The following ESR1 variants were observed in gnomAD, a reference collection of about 807,000 sequenced individuals.
ESR1 encodes the protein estrogen receptor.
Under a neutral mutation model 52.7 loss-of-function variants are expected in ESR1, and 12 were observed. The ratio of observed to expected loss-of-function variants is 0.23; its 90% CI spans 0.15 to 0.37. The LOEUF (loss-of-function observed/expected upper bound fraction) is 0.37, where lower values mean the gene tolerates loss of function less well. Among genes scored for constraint, ESR1 ranks in the 10% least tolerant of loss-of-function variants. ESR1 has a pLI of 1.00. For synonymous variants in ESR1, 305 were observed against 316.8 expected (o/e 0.96, Z 0.39); for missense variants, 584 against 779.7 (o/e 0.75, Z 2.99).
In ESR1 at chr6:151,893,855, A is replaced by G. The variant is rs7773170; in HGVS notation, c.760+13084A>G. ...TTTGAGATCCCTGAGGGATATGGGA[A>G]CCATAAAGGATCTTAAGCAGAGAAG... On this transcript the variant is annotated intron_variant, in intron 3 of 7. Transcript: ENST00000206249. Among the ~76,000 whole-genome samples the G allele has an allele frequency of 2.7e-3, 407 of 152,276 alleles. 3 individuals carry two copies. The highest frequency in any genetic ancestry group is 8.3e-3 in the African/African-American group (344 of 41,564).
At chr6:151,942,130 T>C (rs1411291410) in intron 3 of ESR1, among the ~76,000 whole-genome samples, 1 of 152,202 alleles carries the variant, frequency 6.6e-6, no homozygotes, top group Non-Finnish European at 1.5e-5. Context: ...TGTGATCTAA[T>C]TGGCAAATCT....
chr6:151,933,581 G>T lies in ESR1; in HGVS notation c.761-10592G>T, dbSNP rs574724198. ...GTTTTTGCCCATTCAGTATGATATT[G>T]GCTGTGGGTTTGTCATAGATAGCTC... On this transcript the variant is annotated intron_variant, in intron 3 of 7. Coordinates refer to ENST00000206249, the MANE Select transcript of ESR1 (RefSeq NM_000125.4). 3.3e-3 allele frequency among the ~76,000 whole-genome samples: 500 copies of T among 152,046 alleles called. 2 individuals carry two copies. Among genetic ancestry groups the T allele is most frequent in the African/African-American group, 0.012 (478 of 41,486 alleles).
intron 2 of ESR1, among the ~76,000 whole-genome samples, chr6:151,857,208 C>T (rs996927810): frequency 1.3e-5 from 2 of 152,140 alleles, no homozygotes; most frequent in Admixed American, 6.6e-5. Flanking sequence ...GTGCTGAACA[C>T]ATACAGAGAT....
intron 2 of ESR1, among the ~76,000 whole-genome samples, chr6:151,729,517 C>G (rs1032293984): frequency 9.2e-5 from 14 of 152,148 alleles, no homozygotes; most frequent in African/African-American, 3.1e-4. Flanking sequence ...TTGGACCTAT[C>G]TTTAAAACAC....
In ESR1 at chr6:152,046,021, A is replaced by G. The variant is rs190097682; in HGVS notation, c.1236-14970A>G. ...GCCAGCACTTTGCAAGTTGTGCTCTATGGGACTTTTCATGGAAGTGGCTGA... is the reference window on the plus strand; with the variant it reads ...GCCAGCACTTTGCAAGTTGTGCTCTGTGGGACTTTTCATGGAAGTGGCTGA... On this transcript the variant is annotated intron_variant, in intron 5 of 7. Coordinates refer to ENST00000206249, the MANE Select transcript of ESR1 (RefSeq NM_000125.4). 3.1e-4 allele frequency among the ~76,000 whole-genome samples: 47 copies of G among 152,314 alleles called. No individual in the cohort carries two copies. The East Asian group carries it at 7.9e-3, about 26-fold the overall frequency.
intron 1 of ESR1, among the ~76,000 whole-genome samples, chr6:151,696,299 T>C (rs1308338389): frequency 6.6e-6 from 1 of 151,814 alleles, no homozygotes; most frequent in Non-Finnish European, 1.5e-5. Context: ...AGTGAAATGC[T>C]ATCTCTACTA....
intron 1 of ESR1, among the ~76,000 whole-genome samples, chr6:151,830,145 C>A (rs974049195): frequency 2.0e-5 from 3 of 152,154 alleles, no homozygotes; most frequent in Non-Finnish European, 4.4e-5. Context: ...GAGTTCTGTA[C>A]TTTTGTGTTA....
intron 5 of ESR1, among the ~76,000 whole-genome samples, chr6:152,018,131 C>A (rs983372130): frequency 1.3e-5 from 2 of 151,966 alleles, no homozygotes; most frequent in Non-Finnish European, 2.9e-5. Flanking sequence ...GGTATAAATT[C>A]TCCTCCTTAA....
At chr6:151,808,905 G>C (rs1778331708) in intron 1 of ESR1, among the ~76,000 whole-genome samples, 1 of 152,118 alleles carries the variant, frequency 6.6e-6, no homozygotes, top group Non-Finnish European at 1.5e-5. Context: ...GACTTTCTGG[G>C]AAGCGATTCC....
intron 5 of ESR1, among the ~76,000 whole-genome samples, chr6:152,037,254 AAGAG>A (rs758322807): frequency 8.5e-5 from 13 of 152,124 alleles, no homozygotes; most frequent in African/African-American, 2.9e-4. Context: ...GAGCATGCAA[AAGAG>A]AGAGAGAAAA....
intron 1 of ESR1, among the ~76,000 whole-genome samples, chr6:151,663,814 G>A (rs750294072): frequency 6.6e-6 from 1 of 152,202 alleles, no homozygotes; most frequent in Non-Finnish European, 1.5e-5. Context: ...ATAAAACAAA[G>A]CACCTGTTGT....
chr6:151,732,992 G>T (rs1170052057), intron 2 of ESR1, among the ~76,000 whole-genome samples: 1 of 152,142 alleles, frequency 6.6e-6, no homozygotes, highest in African/African-American at 2.4e-5. Context: ...TGTTTCTCTT[G>T]TTCCTTTATC....
chr6:152,049,124 T>C (rs1017283490), intron 5 of ESR1, among the ~76,000 whole-genome samples: 1 of 152,238 alleles, frequency 6.6e-6, no homozygotes, highest in Admixed American at 6.5e-5. Context: ...TTAAACTATG[T>C]AAACTGAACA....
At chr6:151,976,699 T>A (rs1562621028) in intron 4 of ESR1, among the ~76,000 whole-genome samples, 1 of 152,126 alleles carries the variant, frequency 6.6e-6, no homozygotes, top group Non-Finnish European at 1.5e-5. Context: ...AAAACTTTAA[T>A]CACTGATAGA....
At chr6:151,700,420 T>C (rs1038450280) in intron 1 of ESR1, among the ~76,000 whole-genome samples, 13 of 152,184 alleles carry the variant, frequency 8.5e-5, no homozygotes, top group African/African-American at 2.9e-4. Context: ...TAGTAGAACA[T>C]AGCAATGAAA....
At chr6:151,660,485 G>A (rs1419483726) in intron 1 of ESR1, among the ~76,000 whole-genome samples, 1 of 152,134 alleles carries the variant, frequency 6.6e-6, no homozygotes, top group East Asian at 1.9e-4. Context: ...GGGTTGTTGT[G>A]AGGGTTAAAT....
chr6:151,664,364 C>T (rs182352823), intron 1 of ESR1, among the ~76,000 whole-genome samples: 185 of 152,278 alleles, frequency 1.2e-3, no homozygotes, highest in Non-Finnish European at 1.9e-3. Context: ...GATATGATTT[C>T]TAGTTTATTA....
At chr6:152,032,188 T>C (rs1562698992) in intron 5 of ESR1, among the ~76,000 whole-genome samples, 1 of 152,212 alleles carries the variant, frequency 6.6e-6, no homozygotes, top group Non-Finnish European at 1.5e-5. Context: ...AATATCATAC[T>C]GAATGGACAA....
intron 2 of ESR1, among the ~76,000 whole-genome samples, chr6:151,761,280 A>T (rs1784640319): frequency 6.6e-6 from 1 of 152,064 alleles, no homozygotes; most frequent in South Asian, 2.1e-4. Flanking sequence ...TATATTAGAT[A>T]TTTAACTAAA....
Sources: allele counts gnomAD v4.1 joint callset (sites outside exome capture counted in the v4.1 genomes callset), GRCh38; gene constraint gnomAD v4.1.1; transcripts MANE v1.5; gene names NCBI Gene and HGNC (gene_info 2026-07-23, HGNC 2026-07-21).